The following UBE2E2 variants were observed in gnomAD, a reference collection of about 807,000 sequenced individuals.
UBE2E2 encodes the protein ubiquitin conjugating enzyme E2 E2.
A neutral mutation model predicts 24.7 loss-of-function variants in UBE2E2; 6 were observed. That is an observed-to-expected ratio of 0.24 (90% CI 0.13 to 0.48). The LOEUF is 0.48. Ranked by LOEUF, UBE2E2 falls within the 20% of genes least tolerant of loss-of-function variation. UBE2E2 has a pLI of 0.99. For missense variants in UBE2E2, 169 were observed against 245.0 expected (o/e 0.69, Z 2.07); for synonymous variants, 104 against 83.6 (o/e 1.24, Z -1.33).
intron 3 of UBE2E2, among the ~76,000 whole-genome samples, chr3:23,487,619 T>C (rs1455052171): frequency 6.6e-6 from 1 of 152,196 alleles, no homozygotes; most frequent in African/African-American, 2.4e-5. Flanking sequence ...CATTTGATGC[T>C]CACATCAACT....
At chr3:23,578,025 A>C (rs1464103197) in intron 5 of UBE2E2, among the ~76,000 whole-genome samples, 1 of 151,976 alleles carries the variant, frequency 6.6e-6, no homozygotes. Flanking sequence ...AAAAAAAAAA[A>C]AGATTCTTTT....
At chr3:23,525,521 G>C (rs977244205) in intron 4 of UBE2E2, among the ~76,000 whole-genome samples, 1 of 152,176 alleles carries the variant, frequency 6.6e-6, no homozygotes, top group African/African-American at 2.4e-5. Context: ...AAAAGGTGCT[G>C]TCCTCCCTGC....
intron 3 of UBE2E2, among the ~76,000 whole-genome samples, chr3:23,481,001 A>G (rs1699247783): frequency 6.6e-6 from 1 of 152,040 alleles, no homozygotes; most frequent in South Asian, 2.1e-4. Flanking sequence ...TAAATAGGGT[A>G]TTCTTTGATT....
At chr3:23,286,479 G>A (rs1228245868) in intron 3 of UBE2E2, among the ~76,000 whole-genome samples, 1 of 151,912 alleles carries the variant, frequency 6.6e-6, no homozygotes, top group Admixed American at 6.6e-5. Flanking sequence ...ATTTGTTTCT[G>A]GATTCTCTAT....
intron 3 of UBE2E2, among the ~76,000 whole-genome samples, chr3:23,305,393 T>C (rs968924600): frequency 2.0e-5 from 3 of 152,226 alleles, no homozygotes; most frequent in Admixed American, 2.0e-4. Context: ...TTTTTGCTGC[T>C]TTATCAAGAA....
intron 3 of UBE2E2, among the ~76,000 whole-genome samples, chr3:23,278,061 A>C (rs1351730434): frequency 6.6e-6 from 1 of 152,152 alleles, no homozygotes; most frequent in Non-Finnish European, 1.5e-5. Flanking sequence ...TTAAAGTAAC[A>C]AAAATAGCTG....
chr3:23,263,629 T>G (rs940811967), intron 3 of UBE2E2, among the ~76,000 whole-genome samples: 6 of 152,196 alleles, frequency 3.9e-5, no homozygotes, highest in African/African-American at 1.4e-4. Flanking sequence ...GATTTGATGT[T>G]TAAAAAAGAG....
At chr3:23,434,345 A>G (rs1698136104) in intron 3 of UBE2E2, among the ~76,000 whole-genome samples, 1 of 152,140 alleles carries the variant, frequency 6.6e-6, no homozygotes. Flanking sequence ...ATTTTATGAC[A>G]GTAATATTTC....
intron 3 of UBE2E2, among the ~76,000 whole-genome samples, chr3:23,477,233 G>A (rs1699158442): frequency 6.6e-6 from 1 of 152,128 alleles, no homozygotes; most frequent in African/African-American, 2.4e-5. Context: ...CACAGAGAAA[G>A]CAATTTATCA....
chr3:23,475,766 G>C (rs1699119809), intron 3 of UBE2E2, among the ~76,000 whole-genome samples: 1 of 152,066 alleles, frequency 6.6e-6, no homozygotes, highest in African/African-American at 2.4e-5. Context: ...CACAGGGAAA[G>C]GGTTTACAGG....
chr3:23,375,177 A>T (rs958345292), intron 3 of UBE2E2, among the ~76,000 whole-genome samples: 1 of 152,182 alleles, frequency 6.6e-6, no homozygotes, highest in African/African-American at 2.4e-5. Flanking sequence ...ATTTACAGGA[A>T]TTTATTAGAA....
intron 3 of UBE2E2, among the ~76,000 whole-genome samples, chr3:23,497,037 T>G (rs1041969323): frequency 1.3e-5 from 2 of 152,154 alleles, no homozygotes; most frequent in African/African-American, 4.8e-5. Context: ...AAGAAAATAT[T>G]AAGAAAGTCA....
At chr3:23,231,744 A>G (rs9826877) in intron 3 of UBE2E2, among the ~76,000 whole-genome samples, 92,458 of 152,086 alleles carry the variant, frequency 0.61, 28,613 homozygotes, top group South Asian at 0.68. Flanking sequence ...TGCAAACCCC[A>G]TCTTTGGGTT....
At chr3:23,206,183 C>T (rs1696141232) in intron 1 of UBE2E2, among the ~76,000 whole-genome samples, 1 of 152,140 alleles carries the variant, frequency 6.6e-6, no homozygotes, top group African/African-American at 2.4e-5. Context: ...TATCTGAGCA[C>T]CTTTCCCTGA....
intron 3 of UBE2E2, among the ~76,000 whole-genome samples, chr3:23,272,365 G>A (rs914716702): frequency 5.9e-5 from 9 of 151,850 alleles, no homozygotes; most frequent in Non-Finnish European, 1.0e-4. Flanking sequence ...CACGCAGCCC[G>A]GGTTCCCACC....
chr3:23,534,253 T>C, intron 5 of UBE2E2: 1 of 984,486 alleles, frequency 1.0e-6, no homozygotes, highest in Non-Finnish European at 1.2e-6. Context: ...TCTACAGATA[T>C]TCCTGCTTAA....
chr3:23,396,896 A>G (rs950197423), intron 3 of UBE2E2, among the ~76,000 whole-genome samples: 2 of 152,210 alleles, frequency 1.3e-5, no homozygotes, highest in Admixed American at 6.5e-5. Context: ...TCACAAACCA[A>G]TGTGGGTGGA....
intron 3 of UBE2E2, among the ~76,000 whole-genome samples, chr3:23,238,442 G>A (rs1697175145): frequency 1.3e-5 from 2 of 152,146 alleles, no homozygotes; most frequent in African/African-American, 2.4e-5. Context: ...TACATTGTTC[G>A]GGAGAGGCCA....
At chr3:23,424,367 G>A (rs1009434164) in intron 3 of UBE2E2, among the ~76,000 whole-genome samples, 1 of 151,532 alleles carries the variant, frequency 6.6e-6, no homozygotes, top group Non-Finnish European at 1.5e-5. Context: ...GCTAGCTGGG[G>A]TATCTACTCT....
Sources: gnomAD v4.1 joint callset for allele counts (sites outside exome capture counted in the v4.1 genomes callset) on GRCh38, gnomAD v4.1.1 for gene constraint, MANE v1.5 for transcripts, NCBI Gene and HGNC (gene_info 2026-07-23, HGNC 2026-07-21) for gene names.